TBC1D22A: variants seen among roughly 807,000 people sequenced by gnomAD.
TBC1D22A encodes putative GTPase activator.
A neutral mutation model predicts 60.2 loss-of-function variants in TBC1D22A; 38 were observed. That is an observed-to-expected ratio of 0.63 (90% CI 0.49 to 0.83). The LOEUF is 0.83. TBC1D22A is among the 40% of genes least tolerant of loss of function. TBC1D22A has a pLI of 0.00. For missense variants in TBC1D22A, 628 were observed against 701.0 expected, an observed-to-expected ratio of 0.90 and a Z score of 1.18; for synonymous variants, 302 against 281.7, an observed-to-expected ratio of 1.07 and a Z score of -0.72.
chr22:46,906,667 G>C (rs1292550776), intron 7 of TBC1D22A, among the ~76,000 whole-genome samples: 4 of 152,214 alleles, frequency 2.6e-5, no homozygotes, highest in Non-Finnish European at 5.9e-5. Flanking sequence ...CTACGAGCAA[G>C]TCACTAAGGA....
chr22:47,160,587 CGG>C (rs2067940546), intron 12 of TBC1D22A, among the ~76,000 whole-genome samples: 1 of 152,218 alleles, frequency 6.6e-6, no homozygotes, highest in Non-Finnish European at 1.5e-5. Flanking sequence ...TACCTCACCC[CGG>C]ACCACATGCT....
rs1324673272 is a variant in TBC1D22A, at chr22:47,175,593, TTGGCC to T, written c.*1968_*1972del. 6.6e-6 allele frequency: 1 copy of T among 152,202 alleles called. No individual in the cohort carries two copies. Among genetic ancestry groups the T allele is most frequent in the Non-Finnish European group, 1.5e-5 (1 of 68,098 alleles). 9.4% of individuals were successfully genotyped at this position (152,202 alleles called of 1,614,324 possible). A position where few individuals can be genotyped will look rare whatever the true frequency, so the allele number is the denominator to read the frequency against. ...ACGCCAAGACTGAATGTGAGAGGTG[TTGGCC>T]GCGGGCCTTAAGTCTGAGCAGATCC... On this transcript the variant is annotated 3_prime_UTR_variant, in exon 13 of 13. Coordinates refer to ENST00000337137, the MANE Select transcript of TBC1D22A (RefSeq NM_014346.5).
chr22:46,765,189 G>T (rs1241079824), intron 1 of TBC1D22A, among the ~76,000 whole-genome samples: 1 of 152,216 alleles, frequency 6.6e-6, no homozygotes, highest in African/African-American at 2.4e-5. Context: ...CACCAGGAAG[G>T]CCTGTGAAGC....
intron 8 of TBC1D22A, among the ~76,000 whole-genome samples, chr22:46,944,456 T>G (rs2072384888): frequency 1.3e-5 from 2 of 152,258 alleles, no homozygotes; most frequent in Admixed American, 6.5e-5. Context: ...TGGAGTGCAG[T>G]GGCGCAATCT....
intron 12 of TBC1D22A, among the ~76,000 whole-genome samples, chr22:47,157,943 C>T (rs1161948346): frequency 6.6e-6 from 1 of 152,276 alleles, no homozygotes; most frequent in Non-Finnish European, 1.5e-5. Context: ...GGCAGGTGCT[C>T]GGTGGCTGGA....
At chr22:46,763,636 A>T (rs531648551) in intron 1 of TBC1D22A, 1 of 152,048 alleles carries the variant, frequency 6.6e-6, no homozygotes, top group Non-Finnish European at 1.5e-5. Context: ...TCTGTTCCAA[A>T]GCTGAAGTCT....
chr22:46,869,175 A>G (rs1387981467), intron 4 of TBC1D22A, among the ~76,000 whole-genome samples: 1 of 151,878 alleles, frequency 6.6e-6, no homozygotes, highest in Non-Finnish European at 1.5e-5. Context: ...TGTTGGTGAG[A>G]GTTAGGGAGT....
At chr22:46,993,971 C>T (rs2075035380) in intron 9 of TBC1D22A, among the ~76,000 whole-genome samples, 1 of 152,248 alleles carries the variant, frequency 6.6e-6, no homozygotes, top group South Asian at 2.1e-4. Context: ...GTCCCTGCTA[C>T]AGCCTTCTGA....
intron 8 of TBC1D22A, among the ~76,000 whole-genome samples, chr22:46,943,363 A>G (rs527811143): frequency 6.6e-6 from 1 of 152,320 alleles, no homozygotes; most frequent in East Asian, 1.9e-4. Context: ...GACCTTTGCA[A>G]TATGTCTGCT....
At chr22:46,832,519 A>G (rs1418802548) in intron 4 of TBC1D22A, among the ~76,000 whole-genome samples, 1 of 151,944 alleles carries the variant, frequency 6.6e-6, no homozygotes, top group Admixed American at 6.6e-5. Context: ...GGTGGCGGGC[A>G]CCTGTAATCC....
At chr22:46,827,024 C>G (rs1037783108) in intron 4 of TBC1D22A, among the ~76,000 whole-genome samples, 2 of 151,862 alleles carry the variant, frequency 1.3e-5, no homozygotes, top group African/African-American at 2.4e-5. Context: ...TCAACAGAGA[C>G]TCTTTCCTCT....
intron 4 of TBC1D22A, among the ~76,000 whole-genome samples, chr22:46,839,573 TTTG>T (rs2086664184): frequency 6.6e-6 from 1 of 152,212 alleles, no homozygotes; most frequent in African/African-American, 2.4e-5. Flanking sequence ...AATGACATGT[TTTG>T]CAAAAAGAAG....
chr22:46,963,222 C>CAA (rs136098), intron 8 of TBC1D22A, among the ~76,000 whole-genome samples: 1 of 104,864 alleles, frequency 9.5e-6, no homozygotes, highest in Admixed American at 9.8e-5. Context: ...GACTCCGTCT[C>CAA]AAAAAAAAAA....
At chr22:47,068,925 G>T (rs1228831518) in intron 11 of TBC1D22A, among the ~76,000 whole-genome samples, 1 of 152,174 alleles carries the variant, frequency 6.6e-6, no homozygotes, top group Non-Finnish European at 1.5e-5. Context: ...AATTCAAAAG[G>T]TGAAGGCGAG....
At chr22:47,030,969 C>A (rs16996191) in intron 10 of TBC1D22A, among the ~76,000 whole-genome samples, 3,196 of 152,312 alleles carry the variant, frequency 0.021, 99 homozygotes, top group African/African-American at 0.071. Flanking sequence ...GCCAGAGAAG[C>A]CACGGAGTCG....
In TBC1D22A at chr22:47,173,653, A is replaced by T; in HGVS notation, c.*27A>T. ...CCCAGGCCCACCCGCAGCTGGCCTC[A>T]CTGTCCCGGGTGGCGCGCCCCACCT... On this transcript the variant is annotated 3_prime_UTR_variant, in exon 13 of 13. Transcript: ENST00000337137. The T allele has an allele frequency of 6.2e-7, 1 of 1,612,738 alleles. No homozygotes were observed. Among genetic ancestry groups the T allele is most frequent in the Non-Finnish European group, 8.5e-7 (1 of 1,179,426 alleles).
intron 11 of TBC1D22A, among the ~76,000 whole-genome samples, chr22:47,038,652 A>C (rs1322327325): frequency 2.0e-5 from 3 of 152,202 alleles, no homozygotes; most frequent in Admixed American, 2.0e-4. Context: ...GTTGCTGGTC[A>C]GTGTGCCCCT....
chr22:47,069,954 C>T (rs1476602172), intron 11 of TBC1D22A, among the ~76,000 whole-genome samples: 1,266 of 118,996 alleles, frequency 0.011, 67 homozygotes, highest in African/African-American at 0.022. Flanking sequence ...ACCTGACGGT[C>T]CCAGCGCTGT....
At chr22:47,076,760 A>G (rs1341055415) in intron 11 of TBC1D22A, among the ~76,000 whole-genome samples, 2 of 149,686 alleles carry the variant, frequency 1.3e-5, no homozygotes, top group East Asian at 3.9e-4. Flanking sequence ...ACAAACAACA[A>G]CAGCAACAGC....
Sources: gnomAD v4.1 joint callset for allele counts (sites outside exome capture counted in the v4.1 genomes callset) on GRCh38, gnomAD v4.1.1 for gene constraint, MANE v1.5 for transcripts, NCBI Gene and HGNC (gene_info 2026-07-23, HGNC 2026-07-21) for gene names.